PPP3R1: variants seen among roughly 807,000 people sequenced by gnomAD.
The protein encoded by PPP3R1 is calcineurin subunit B type 1.
Under a neutral mutation model 22.6 loss-of-function variants are expected in PPP3R1, and 5 were observed. That is an observed-to-expected ratio of 0.22 (90% CI 0.12 to 0.46). The LOEUF is 0.46. Ranked by LOEUF, PPP3R1 falls within the 20% of genes least tolerant of loss-of-function variation. The probability of loss-of-function intolerance (pLI) is 0.99; values close to 1 mark genes in which losing one functional copy is unlikely to be tolerated. For synonymous variants in PPP3R1, 56 were observed against 65.2 expected, an observed-to-expected ratio of 0.86 and a Z score of 0.68; for missense variants, 61 against 203.2, an observed-to-expected ratio of 0.30 and a Z score of 4.25.
rs139586242 is a variant in PPP3R1 at position 68,190,439 on chromosome 2, G to A, written c.44-1749C>T. The stretch of plus-strand genomic sequence containing the variant: ...AATTAGCCGGGAGTGATGGCAGGGC[G>A]CCTGTAATCCCAGGTACTTGGGAGG... On this transcript the variant is annotated intron_variant, in intron 2 of 5. Transcript: ENST00000234310. Among the ~76,000 whole-genome samples, 149 of 151,922 alleles carry A rather than the reference G, an allele frequency of 9.8e-4. 1 individual carries two copies. The East Asian group carries it at 0.026, about 26-fold the overall frequency.
intron 1 of PPP3R1, among the ~76,000 whole-genome samples, chr2:68,232,149 A>G (rs58838955): frequency 8.5e-5 from 6 of 70,244 alleles, no homozygotes; most frequent in South Asian, 9.7e-4. Flanking sequence ...ATATATATGT[A>G]TATATATATA....
chr2:68,209,552 G>A (rs540589567), intron 2 of PPP3R1, among the ~76,000 whole-genome samples: 1 of 151,796 alleles, frequency 6.6e-6, no homozygotes, highest in East Asian at 1.9e-4. Context: ...CCAGAAGTTT[G>A]AGACAAGCCT....
chr2:68,198,079 A>AG lies in PPP3R1; in HGVS notation c.44-9390_44-9389insC, dbSNP rs1448703389. Among the ~76,000 whole-genome samples, 44 of 144,852 alleles carry AG rather than the reference A, an allele frequency of 3.0e-4. 1 individual carries two copies. Among genetic ancestry groups the AG allele is most frequent in the South Asian group, 1.9e-3 (9 of 4,712 alleles). ...ACCTTTGGCAAAAAAAAAAAAAAAA[A>AG]AAAAAAAAAAGCATATATATGTAAA... On this transcript the variant is annotated intron_variant, in intron 2 of 5. Coordinates refer to ENST00000234310, the MANE Select transcript of PPP3R1 (RefSeq NM_000945.4).
At chr2:68,182,729 CAAA>C (rs148908840) in intron 5 of PPP3R1, among the ~76,000 whole-genome samples, 1 of 104,622 alleles carries the variant, frequency 9.6e-6, no homozygotes. Context: ...CACTCCCTCT[CAAA>C]AAAAAAAAAA....
chr2:68,252,400 G>C lies in PPP3R1; in HGVS notation c.-273C>G. On this transcript the variant is annotated 5_prime_UTR_variant, in exon 1 of 6. Coordinates refer to ENST00000234310, the MANE Select transcript of PPP3R1 (RefSeq NM_000945.4). ...AGGAGCAGCGGCGAGAGGCAGGAGA[G>C]GCAGAGAAGAAGAAAGGAGGGGGAG... The C allele has an allele frequency of 5.0e-6, 5 of 1,001,198 alleles. No individual in the cohort carries two copies. Among genetic ancestry groups the C allele is most frequent in the South Asian group, 4.7e-5 (1 of 21,480 alleles). The allele number at this position is 1,001,198 out of a possible 1,614,324, so 62.0% of individuals were successfully genotyped here.
rs914323599 is a variant in PPP3R1 at position 68,179,061 on chromosome 2, C to T, written c.*1902G>A. The T allele has an allele frequency of 3.5e-4, 50 of 142,872 alleles. No individual in the cohort carries two copies. Among genetic ancestry groups the T allele is most frequent in the African/African-American group, 1.3e-3 (49 of 39,048 alleles). 8.9% of individuals were successfully genotyped at this position (142,872 alleles called of 1,614,324 possible). On this transcript the variant is annotated 3_prime_UTR_variant, in exon 6 of 6. Transcript: ENST00000234310. ...TTCCCCGGTAAGGAAATAATGTTTA[C>T]ACTATTTTTCTGTAACGCCAGCCAA...
intron 2 of PPP3R1, among the ~76,000 whole-genome samples, chr2:68,210,516 T>C (rs1419617244): frequency 2.0e-5 from 3 of 152,228 alleles, no homozygotes; most frequent in Admixed American, 2.0e-4. Flanking sequence ...ATGGGATCAT[T>C]ATTATCTTCA....
chr2:68,187,868 CAAACA>C (rs1335169740), intron 3 of PPP3R1, among the ~76,000 whole-genome samples: 5 of 68,006 alleles, frequency 7.4e-5, no homozygotes, highest in East Asian at 3.3e-4. Context: ...CTTGTTAAAA[CAAACA>C]AAAAAAAAAA....
rs530584922 is a variant in PPP3R1 at position 68,234,771 on chromosome 2, TATA to T, written c.3+17351_3+17353del. Among the ~76,000 whole-genome samples the T allele has an allele frequency of 3.6e-3, 545 of 152,250 alleles. 12 individuals are homozygous for T. The highest frequency in any genetic ancestry group is 0.031 in the Admixed American group (473 of 15,286). On this transcript the variant is annotated intron_variant, in intron 1 of 5. Coordinates refer to ENST00000234310, the MANE Select transcript of PPP3R1 (RefSeq NM_000945.4). ...TACTACTTTCTAATTTAAAAACATA[TATA>T]ATAACCCCCTCAAAAACCAGAAAAT...
At chr2:68,202,058 C>A (rs187539014) in intron 2 of PPP3R1, among the ~76,000 whole-genome samples, 13 of 152,288 alleles carry the variant, frequency 8.5e-5, no homozygotes, top group African/African-American at 3.1e-4. Context: ...ATTTCCCCTT[C>A]TATGTTATCT....
At chr2:68,244,454 T>C (rs1670195190) in intron 1 of PPP3R1, among the ~76,000 whole-genome samples, 1 of 152,202 alleles carries the variant, frequency 6.6e-6, no homozygotes, top group African/African-American at 2.4e-5. Flanking sequence ...TTGCCTCAAA[T>C]TATCCTGAGA....
intron 2 of PPP3R1, among the ~76,000 whole-genome samples, chr2:68,198,214 A>G (rs1482630231): frequency 1.5e-5 from 2 of 136,658 alleles, no homozygotes; most frequent in African/African-American, 5.4e-5. Flanking sequence ...GTGCATACAT[A>G]TATACATTTT....
chr2:68,249,283 G>A (rs754616529), intron 1 of PPP3R1, among the ~76,000 whole-genome samples: 14 of 150,686 alleles, frequency 9.3e-5, no homozygotes, highest in Non-Finnish European at 1.3e-4. Flanking sequence ...TTTTAATTCC[G>A]CTGGTCATAA....
chr2:68,224,635 G>C (rs766227134), intron 1 of PPP3R1, among the ~76,000 whole-genome samples: 8 of 150,882 alleles, frequency 5.3e-5, no homozygotes, highest in Non-Finnish European at 1.0e-4. Context: ...CTGCACTCCA[G>C]CCTCGGCAGC....
intron 5 of PPP3R1, among the ~76,000 whole-genome samples, chr2:68,183,526 ATTAT>A (rs1405189368): frequency 2.6e-5 from 4 of 152,064 alleles, no homozygotes; most frequent in African/African-American, 9.7e-5. Flanking sequence ...TTCATTTTTG[ATTAT>A]TTATTTCCCT....
At chr2:68,185,623 G>T (rs563714921) in intron 5 of PPP3R1, among the ~76,000 whole-genome samples, 1 of 151,812 alleles carries the variant, frequency 6.6e-6, no homozygotes, top group Admixed American at 6.6e-5. Context: ...AAAACTGGCT[G>T]CTATTTATGA....
At chr2:68,208,872 G>A (rs150805391) in intron 2 of PPP3R1, among the ~76,000 whole-genome samples, 10,091 of 151,080 alleles carry the variant, frequency 0.067, 409 homozygotes, top group Middle Eastern at 0.21. Context: ...GCAGTGAGCC[G>A]AGATCATACC....
chr2:68,209,434 A>G (rs1669426772), intron 2 of PPP3R1, among the ~76,000 whole-genome samples: 1 of 148,846 alleles, frequency 6.7e-6, no homozygotes, highest in Non-Finnish European at 1.5e-5. Context: ...TAAATAAGTA[A>G]TTTGGGTTTA....
At chr2:68,239,336 G>A (rs1374997286) in intron 1 of PPP3R1, among the ~76,000 whole-genome samples, 1 of 152,148 alleles carries the variant, frequency 6.6e-6, no homozygotes, top group East Asian at 1.9e-4. Context: ...AAGTCAATTT[G>A]TGTTACAGAA....
Sources: gnomAD v4.1 joint callset for allele counts (sites outside exome capture counted in the v4.1 genomes callset) on GRCh38, gnomAD v4.1.1 for gene constraint, MANE v1.5 for transcripts, NCBI Gene and HGNC (gene_info 2026-07-23, HGNC 2026-07-21) for gene names.